Variants in FBXO34 observed in about 807,000 individuals in gnomAD.
FBXO34 encodes the protein F-box protein 34, also known as F-box only protein 34.
Under a neutral mutation model 24.5 loss-of-function variants are expected in FBXO34, and 12 were observed. The observed-to-expected ratio is 0.49, with a 90% CI of 0.31 to 0.79. FBXO34 has a LOEUF of 0.79. FBXO34 is among the 30% of genes least tolerant of loss of function. FBXO34 has a pLI of 0.04. For synonymous variants in FBXO34, 320 were observed against 311.9 expected, an observed-to-expected ratio of 1.03 and a Z score of -0.27; for missense variants, 823 against 857.7, an observed-to-expected ratio of 0.96 and a Z score of 0.51.
downstream of FBXO34, among the ~76,000 whole-genome samples, chr14:55,354,142 A>T (rs1884484057): frequency 6.6e-6 from 1 of 152,124 alleles, no homozygotes; most frequent in Non-Finnish European, 1.5e-5. Context: ...GGCTCATCAG[A>T]TTTGTCTGTG....
At chr14:55,387,565 G>A in the FBXO34 span, among the ~76,000 whole-genome samples, 1 of 152,130 alleles carries the variant, frequency 6.6e-6, no homozygotes, top group East Asian at 1.9e-4. Context: ...CCTAACTAGG[G>A]TATAAAACGT....
At chr14:55,279,280 C>A (rs1881449677) in intron 1 of FBXO34, among the ~76,000 whole-genome samples, 1 of 125,700 alleles carries the variant, frequency 8.0e-6, no homozygotes, top group Non-Finnish European at 1.6e-5. Context: ...AAGCGAGACT[C>A]CGTCAAAAAA....
chr14:55,350,472 A>T lies in FBXO34; in HGVS notation c.82A>T (p.Asn28Tyr), dbSNP rs1438893681. The T allele has an allele frequency of 2.5e-6, 4 of 1,613,552 alleles. No individual in the cohort carries two copies. The highest frequency in any genetic ancestry group is 1.3e-5 in the African/African-American group (1 of 74,858). Residue 28 changes from asparagine (N) to tyrosine (Y), a missense_variant, in exon 2 of 2, where the codon AAC (asparagine) becomes TAC (tyrosine). Coordinates refer to ENST00000313833, the MANE Select transcript of FBXO34 (RefSeq NM_017943.4). ...VSRETQRTPM[N>Y]HQKAVNDETC... Reference sequence around the variant, plus strand: ...CAGGGAAACGCAGAGAACTCCTATGAACCACCAAAAGGCTGTAAATGATGA... The same window carrying T: ...CAGGGAAACGCAGAGAACTCCTATGTACCACCAAAAGGCTGTAAATGATGA...
downstream of FBXO34, among the ~76,000 whole-genome samples, chr14:55,356,198 T>A (rs1184739454): frequency 6.6e-6 from 1 of 152,190 alleles, no homozygotes; most frequent in Non-Finnish European, 1.5e-5. Context: ...TGTTTTTATG[T>A]GAGTGTTCCC....
intron 1 of FBXO34, among the ~76,000 whole-genome samples, chr14:55,291,028 T>C (rs542184017): frequency 6.6e-6 from 1 of 152,168 alleles, no homozygotes; most frequent in East Asian, 1.9e-4. Flanking sequence ...GGTTTCACCA[T>C]GTTGGCCATG....
chr14:55,401,605 A>G, the FBXO34 span, among the ~76,000 whole-genome samples: 2 of 152,108 alleles, frequency 1.3e-5, no homozygotes, highest in Admixed American at 6.5e-5. Context: ...TCTCAAATGA[A>G]CTTTGTTGTT....
chr14:55,271,931 C>G (rs1594715486), intron 1 of FBXO34: 1 of 152,352 alleles, frequency 6.6e-6, no homozygotes. Flanking sequence ...GTCGCCTCGC[C>G]CCTGTCGCGC....
Position 55,340,847 on chromosome 14 carries a change from TATCCCTTAAGAGAGAGC to T in FBXO34, c.-10-9533_-10-9517del, listed in dbSNP as rs1883967445. ...AGGCTAGCCTTGGAATCTTGAATAT[TATCCCTTAAGAGAGAGC>T]CTTTTGTTTGAGTTACATTTTGGTC... On this transcript the variant is annotated intron_variant, in intron 1 of 1. Transcript: ENST00000313833. Among the ~76,000 whole-genome samples the T allele has an allele frequency of 1.3e-5, 2 of 152,246 alleles. 1 individual carries two copies. Among genetic ancestry groups the T allele is most frequent in the South Asian group, 4.1e-4 (2 of 4,832 alleles).
intron 1 of FBXO34, among the ~76,000 whole-genome samples, chr14:55,305,233 G>A (rs1049588086): frequency 6.6e-6 from 1 of 152,126 alleles, no homozygotes; most frequent in Non-Finnish European, 1.5e-5. Context: ...CAACATGGGT[G>A]AAACCCTGTC....
the FBXO34 span, among the ~76,000 whole-genome samples, chr14:55,407,329 C>T: frequency 6.6e-6 from 1 of 152,304 alleles, no homozygotes; most frequent in Non-Finnish European, 1.5e-5. Flanking sequence ...CGAGGTTTCA[C>T]CATGTTGGCC....
the FBXO34 span, among the ~76,000 whole-genome samples, chr14:55,385,010 C>T: frequency 6.6e-6 from 1 of 152,210 alleles, no homozygotes. Context: ...GTTATCCATG[C>T]ACTACCGCCT....
At chr14:55,299,982 A>G (rs1016807935) in intron 1 of FBXO34, among the ~76,000 whole-genome samples, 1 of 152,236 alleles carries the variant, frequency 6.6e-6, no homozygotes, top group Non-Finnish European at 1.5e-5. Context: ...GGCAAATTCC[A>G]GAGTGGATAT....
chr14:55,403,357 T>C, the FBXO34 span, among the ~76,000 whole-genome samples: 3,906 of 152,216 alleles, frequency 0.026, 128 homozygotes, highest in African/African-American at 0.068. Context: ...TGAGGGATTA[T>C]GAAACCAGGA....
At chr14:55,422,208 G>T in the FBXO34 span, among the ~76,000 whole-genome samples, 1 of 152,126 alleles carries the variant, frequency 6.6e-6, no homozygotes, top group Admixed American at 6.5e-5. Flanking sequence ...TAGCTATTTG[G>T]GACTGGGGCA....
chr14:55,397,580 T>A, the FBXO34 span: 2 of 654,648 alleles, frequency 3.1e-6, no homozygotes, highest in Non-Finnish European at 5.4e-6. Flanking sequence ...CTCAACGGGG[T>A]GCACACAACT....
chr14:55,329,329 G>A (rs1383603699), intron 1 of FBXO34, among the ~76,000 whole-genome samples: 1 of 152,060 alleles, frequency 6.6e-6, no homozygotes, highest in Non-Finnish European at 1.5e-5. Flanking sequence ...AGTTGGTAAT[G>A]GATGAGATCA....
intron 1 of FBXO34, among the ~76,000 whole-genome samples, chr14:55,320,632 C>A (rs1883098185): frequency 6.6e-6 from 1 of 152,128 alleles, no homozygotes; most frequent in African/African-American, 2.4e-5. Context: ...GTAGTGGGCG[C>A]CTGTAGTCCC....
At chr14:55,377,001 C>T in the FBXO34 span, among the ~76,000 whole-genome samples, 3 of 152,186 alleles carry the variant, frequency 2.0e-5, no homozygotes, top group African/African-American at 7.2e-5. Flanking sequence ...ATCCCCTACA[C>T]CTCTAATACC....
chr14:55,395,830 G>A, the FBXO34 span: 1 of 691,370 alleles, frequency 1.4e-6, no homozygotes, highest in Non-Finnish European at 2.1e-6. Flanking sequence ...GGATTAAGTA[G>A]AGGACTGCTA....
Sources: gnomAD v4.1 joint callset for allele counts (sites outside exome capture counted in the v4.1 genomes callset) on GRCh38, gnomAD v4.1.1 for gene constraint, MANE v1.5 for transcripts, NCBI Gene and HGNC (gene_info 2026-07-23, HGNC 2026-07-21) for gene names.